The following MAPKAP1 variants were observed in gnomAD, a reference collection of about 807,000 sequenced individuals.
MAPKAP1 encodes the protein target of rapamycin complex 2 subunit MAPKAP1.
Under a neutral mutation model 65.7 loss-of-function variants are expected in MAPKAP1, and 20 were observed. That is an observed-to-expected ratio of 0.30 (90% CI 0.21 to 0.44). The LOEUF (loss-of-function observed/expected upper bound fraction) is 0.44. Ranked by LOEUF, MAPKAP1 falls within the 20% of genes least tolerant of loss-of-function variation. The probability of loss-of-function intolerance (pLI) is 1.00; values close to 1 mark genes in which losing one functional copy is unlikely to be tolerated. For synonymous variants in MAPKAP1, 222 were observed against 244.3 expected (o/e 0.91, Z 0.85); for missense variants, 423 against 648.0 (o/e 0.65, Z 3.77).
At chr9:125,704,974 G>A (rs1309246715) in intron 1 of MAPKAP1, among the ~76,000 whole-genome samples, 3 of 152,160 alleles carry the variant, frequency 2.0e-5, no homozygotes, top group Non-Finnish European at 2.9e-5. Flanking sequence ...TATCCTGTAA[G>A]AACAGGGACC....
At chr9:125,482,269 C>A (rs1854349656) in intron 9 of MAPKAP1, among the ~76,000 whole-genome samples, 1 of 152,084 alleles carries the variant, frequency 6.6e-6, no homozygotes. Flanking sequence ...AGAAAACAGA[C>A]CCTTTCCAGC....
intron 9 of MAPKAP1, among the ~76,000 whole-genome samples, chr9:125,474,408 C>G (rs1309041194): frequency 6.6e-6 from 1 of 152,206 alleles, no homozygotes; most frequent in African/African-American, 2.4e-5. Flanking sequence ...TACTGGGTCT[C>G]CAGGCCACAA....
At chr9:125,498,327 C>A (rs1828867204) in intron 8 of MAPKAP1, among the ~76,000 whole-genome samples, 2 of 152,202 alleles carry the variant, frequency 1.3e-5, no homozygotes, top group Admixed American at 1.3e-4. Context: ...TATCAACAAT[C>A]TCAGGGTCGA....
At chr9:125,489,919 T>TTAG (rs1203352796) in intron 8 of MAPKAP1, among the ~76,000 whole-genome samples, 1 of 152,180 alleles carries the variant, frequency 6.6e-6, no homozygotes, top group African/African-American at 2.4e-5. Flanking sequence ...GGTTCCACTG[T>TTAG]TAGGAAAGGT....
intron 9 of MAPKAP1, among the ~76,000 whole-genome samples, chr9:125,481,076 G>A (rs533358032): frequency 6.6e-6 from 1 of 152,006 alleles, no homozygotes; most frequent in South Asian, 2.1e-4. Context: ...TTCATACATG[G>A]TGAAAACTAA....
intron 7 of MAPKAP1, among the ~76,000 whole-genome samples, chr9:125,529,217 GA>G (rs1829866207): frequency 6.8e-6 from 1 of 146,930 alleles, no homozygotes; most frequent in Non-Finnish European, 1.5e-5. Flanking sequence ...AAAAAGAAAA[GA>G]AAATGGAAGG....
chr9:125,445,984 G>A (rs1290188782), intron 10 of MAPKAP1, among the ~76,000 whole-genome samples: 1 of 152,170 alleles, frequency 6.6e-6, no homozygotes, highest in Non-Finnish European at 1.5e-5. Flanking sequence ...CTAGTCTTTC[G>A]ACAGACCTTA....
chr9:125,678,110 GT>G (rs1420384136), intron 1 of MAPKAP1, among the ~76,000 whole-genome samples: 1 of 152,004 alleles, frequency 6.6e-6, no homozygotes, highest in African/African-American at 2.4e-5. Flanking sequence ...TAGAGATGGG[GT>G]TTTACCACAT....
chr9:125,458,360 G>A (rs1853282291), intron 10 of MAPKAP1, among the ~76,000 whole-genome samples: 1 of 152,024 alleles, frequency 6.6e-6, no homozygotes, highest in African/African-American at 2.4e-5. Flanking sequence ...AGAGGACCCT[G>A]CGGCCCTCTG....
intron 1 of MAPKAP1, among the ~76,000 whole-genome samples, chr9:125,693,629 A>G (rs1000747319): frequency 6.6e-6 from 1 of 150,560 alleles, no homozygotes; most frequent in Non-Finnish European, 1.5e-5. Context: ...ACATATATAC[A>G]CATATACACA....
intron 6 of MAPKAP1, among the ~76,000 whole-genome samples, chr9:125,552,360 G>A (rs1290711069): frequency 6.6e-6 from 1 of 152,166 alleles, no homozygotes; most frequent in African/African-American, 2.4e-5. Flanking sequence ...AAGAACATCA[G>A]AAGACATCCA....
At chr9:125,685,946 G>T (rs1156297152) in intron 1 of MAPKAP1, among the ~76,000 whole-genome samples, 1 of 152,168 alleles carries the variant, frequency 6.6e-6, no homozygotes, top group Non-Finnish European at 1.5e-5. Context: ...CTCAGCGTTT[G>T]AAGTTTGCTC....
At chr9:125,517,135 T>A (rs1259376642) in intron 7 of MAPKAP1, among the ~76,000 whole-genome samples, 1 of 152,170 alleles carries the variant, frequency 6.6e-6, no homozygotes. Context: ...TTCCAAAGCC[T>A]GTGCTCTTCA....
chr9:125,622,442 ATATTT>A (rs1278468461), intron 4 of MAPKAP1, among the ~76,000 whole-genome samples: 1 of 152,016 alleles, frequency 6.6e-6, no homozygotes, highest in African/African-American at 2.4e-5. Flanking sequence ...CTTTTATTTT[ATATTT>A]TATTTTATTT....
intron 7 of MAPKAP1, among the ~76,000 whole-genome samples, chr9:125,537,370 G>A (rs1038884252): frequency 2.0e-5 from 3 of 152,184 alleles, no homozygotes; most frequent in African/African-American, 7.2e-5. Flanking sequence ...CAGATTAAAT[G>A]AGGTAATATT....
chr9:125,628,084 T>C (rs1318245978), intron 4 of MAPKAP1, among the ~76,000 whole-genome samples: 2 of 152,192 alleles, frequency 1.3e-5, no homozygotes, highest in Admixed American at 1.3e-4. Flanking sequence ...ACAGCTTACA[T>C]TCTATGAGAG....
At chr9:125,656,854 G>A (rs2131750776) in intron 4 of MAPKAP1, among the ~76,000 whole-genome samples, 1 of 152,234 alleles carries the variant, frequency 6.6e-6, no homozygotes, top group East Asian at 1.9e-4. Flanking sequence ...GAAGGCAGGG[G>A]GTTGGGGAAG....
chr9:125,635,357 A>G (rs1833393924), intron 4 of MAPKAP1, among the ~76,000 whole-genome samples: 1 of 152,242 alleles, frequency 6.6e-6, no homozygotes, highest in Non-Finnish European at 1.5e-5. Context: ...ATGAACTATC[A>G]GTGAGTTCTC....
chr9:125,636,537 T>G (rs1355946443), intron 4 of MAPKAP1, among the ~76,000 whole-genome samples: 1 of 152,254 alleles, frequency 6.6e-6, no homozygotes, highest in East Asian at 1.9e-4. Context: ...AATCTAATAG[T>G]GCCAGAACAA....
Sources: allele counts gnomAD v4.1 joint callset (sites outside exome capture counted in the v4.1 genomes callset), GRCh38; gene constraint gnomAD v4.1.1; transcripts MANE v1.5; gene names NCBI Gene and HGNC (gene_info 2026-07-23, HGNC 2026-07-21).